Variants in RBPJ observed in about 807,000 individuals in gnomAD.
The protein encoded by RBPJ is recombining binding protein suppressor of hairless.
RBPJ carries 9 observed loss-of-function variants against 67.8 expected under a neutral mutation model. The observed-to-expected ratio is 0.13, with a 90% CI of 0.08 to 0.23. The LOEUF (loss-of-function observed/expected upper bound fraction) is 0.23. RBPJ is among the 10% of genes least tolerant of loss of function. The pLI is 1.00. For missense variants in RBPJ, 305 were observed against 595.6 expected (o/e 0.51, Z 5.08); for synonymous variants, 198 against 203.3 (o/e 0.97, Z 0.22).
At chr4:26,154,294 A>T in the RBPJ span, among the ~76,000 whole-genome samples, 1 of 152,310 alleles carries the variant, frequency 6.6e-6, no homozygotes, top group Non-Finnish European at 1.5e-5. Flanking sequence ...CCATCTGTAA[A>T]ACAGGATAAA....
intron 1 of RBPJ, among the ~76,000 whole-genome samples, chr4:26,189,527 G>A (rs575971757): frequency 9.2e-5 from 14 of 152,098 alleles, no homozygotes; most frequent in African/African-American, 1.4e-4. Flanking sequence ...ATGTGGTGGC[G>A]CACACCTGAA....
the RBPJ span, chr4:26,113,826 T>C: frequency 4.6e-6 from 1 of 215,614 alleles, no homozygotes; most frequent in Non-Finnish European, 1.0e-5. Flanking sequence ...CCAAAAGGTC[T>C]TTCCACATCC....
At chr4:26,404,759 G>A (rs936934431) in intron 2 of RBPJ, among the ~76,000 whole-genome samples, 2 of 152,188 alleles carry the variant, frequency 1.3e-5, no homozygotes, top group South Asian at 4.1e-4. Context: ...TCCTTAGCCT[G>A]AATGTGCAGT....
intron 2 of RBPJ, among the ~76,000 whole-genome samples, chr4:26,403,692 A>C (rs1046964294): frequency 3.3e-5 from 5 of 152,078 alleles, no homozygotes; most frequent in Admixed American, 6.5e-5. Flanking sequence ...AGCTTCATTT[A>C]TGTTCCCACA....
intron 1 of RBPJ, among the ~76,000 whole-genome samples, chr4:26,282,363 T>A (rs1262154022): frequency 6.6e-6 from 1 of 152,084 alleles, no homozygotes; most frequent in Non-Finnish European, 1.5e-5. Flanking sequence ...AGTTTAGCAT[T>A]AAATATGGGA....
intron 1 of RBPJ, among the ~76,000 whole-genome samples, chr4:26,308,275 CAA>C (rs543391606): frequency 7.7e-6 from 1 of 130,324 alleles, no homozygotes; most frequent in Non-Finnish European, 1.7e-5. Context: ...GACTCCATCT[CAA>C]AAAAAAAAAA....
chr4:26,434,466 G>A lies in RBPJ; in HGVS notation c.*3459G>A, dbSNP rs956766484. ...GCAAAAGCAGCTGTGTTTCTGATAA[G>A]TACTGAACAAATGTGTGTAATTTTC... On this transcript the variant is annotated 3_prime_UTR_variant, in exon 11 of 11. Coordinates refer to ENST00000355476, the MANE Select transcript of RBPJ (RefSeq NM_015874.6). 2 of 152,224 alleles carry A rather than the reference G, an allele frequency of 1.3e-5. No homozygotes were observed. Among genetic ancestry groups the A allele is most frequent in the South Asian group, 2.1e-4 (1 of 4,836 alleles). 9.4% of individuals were successfully genotyped at this position (152,224 alleles called of 1,614,324 possible). A position where few individuals can be genotyped will look rare whatever the true frequency, so the allele number is the denominator to read the frequency against.
chr4:26,329,894 CAA>C (rs532266121), intron 1 of RBPJ, among the ~76,000 whole-genome samples: 8 of 115,102 alleles, frequency 7.0e-5, no homozygotes, highest in Admixed American at 8.9e-5. Context: ...ACTCTGTCTC[CAA>C]AAAAAAAAAA....
chr4:26,145,044 T>C, the RBPJ span, among the ~76,000 whole-genome samples: 1 of 151,676 alleles, frequency 6.6e-6, no homozygotes, highest in Admixed American at 6.6e-5. Context: ...TTTTTTTTTT[T>C]TGAGACAAAA....
chr4:26,326,627 A>G (rs1723653804), intron 1 of RBPJ, among the ~76,000 whole-genome samples: 1 of 152,198 alleles, frequency 6.6e-6, no homozygotes, highest in South Asian at 2.1e-4. Flanking sequence ...TTCTACCTCT[A>G]TAAAATAGGG....
chr4:26,426,960 C>T (rs1318497347), intron 7 of RBPJ, among the ~76,000 whole-genome samples: 7 of 152,050 alleles, frequency 4.6e-5, no homozygotes, highest in Non-Finnish European at 1.0e-4. Flanking sequence ...GTTAGAAGGC[C>T]ACTGGAGGAT....
intron 1 of RBPJ, among the ~76,000 whole-genome samples, chr4:26,227,756 T>A (rs986888548): frequency 6.6e-6 from 1 of 152,226 alleles, no homozygotes; most frequent in African/African-American, 2.4e-5. Context: ...AAGAGCAGAC[T>A]TTGCTTGAGT....
the RBPJ span, among the ~76,000 whole-genome samples, chr4:26,143,566 A>T: frequency 2.1e-3 from 317 of 152,352 alleles, 12 homozygotes; most frequent in East Asian, 0.055. Context: ...AGTGACTAAA[A>T]GATTGTTATT....
rs1178434597 is a variant in RBPJ at position 26,184,011 on chromosome 4, C to CA, written c.-167+20404dup. On this transcript the variant is annotated intron_variant, in intron 1 of 4. Transcript: ENST00000512351. Reference sequence around the variant, plus strand: ...TGGGCGACAGAACAAGACTCTGTCTCAAAAAAACAAAATAAAAAAAATTAG... The same window carrying CA: ...TGGGCGACAGAACAAGACTCTGTCTCAAAAAAAACAAAATAAAAAAAATTAG... 2.7e-5 allele frequency among the ~76,000 whole-genome samples: 4 copies of CA among 150,880 alleles called. No individual in the cohort carries two copies. The East Asian group carries it at 5.8e-4, about 22-fold the overall frequency.
chr4:26,348,444 T>A (rs1726401468), intron 1 of RBPJ, among the ~76,000 whole-genome samples: 2 of 152,210 alleles, frequency 1.3e-5, no homozygotes, highest in African/African-American at 4.8e-5. Context: ...CCATATACTG[T>A]AAGAGCTATG....
chr4:26,375,832 C>G (rs1167027119), intron 1 of RBPJ, among the ~76,000 whole-genome samples: 1 of 152,156 alleles, frequency 6.6e-6, no homozygotes, highest in Admixed American at 6.5e-5. Flanking sequence ...GGCCGCCCTT[C>G]CTAGGGAGGC....
intron 1 of RBPJ, among the ~76,000 whole-genome samples, chr4:26,329,367 A>G (rs1271460637): frequency 1.3e-5 from 2 of 152,202 alleles, no homozygotes. Flanking sequence ...GGACACCATA[A>G]GAGAAATATA....
intron 1 of RBPJ, among the ~76,000 whole-genome samples, chr4:26,281,231 G>T (rs1422144164): frequency 1.3e-5 from 2 of 152,164 alleles, no homozygotes; most frequent in East Asian, 3.9e-4. Flanking sequence ...ATTTAAATTT[G>T]TTGTATTTTA....
At chr4:26,321,277 G>C (rs956342184) in intron 1 of RBPJ, 1 of 150,716 alleles carries the variant, frequency 6.6e-6, no homozygotes, top group African/African-American at 2.4e-5. Context: ...CGGCGGCGGC[G>C]AGGCCGGCGG....
Sources: allele counts gnomAD v4.1 joint callset (sites outside exome capture counted in the v4.1 genomes callset), GRCh38; gene constraint gnomAD v4.1.1; transcripts MANE v1.5; gene names NCBI Gene and HGNC (gene_info 2026-07-23, HGNC 2026-07-21).